GDA: variants seen among roughly 807,000 people sequenced by gnomAD.
GDA encodes the protein cytoplasmic PSD-95 interactor.
Under a neutral mutation model 59.6 loss-of-function variants are expected in GDA, and 18 were observed. The observed-to-expected ratio is 0.30, with a 90% CI of 0.21 to 0.45. The LOEUF (loss-of-function observed/expected upper bound fraction) is 0.45, where lower values mean the gene tolerates loss of function less well. Among genes scored for constraint, GDA ranks in the 20% least tolerant of loss-of-function variants. The probability of loss-of-function intolerance (pLI) is 1.00; values close to 1 mark genes in which losing one functional copy is unlikely to be tolerated. For synonymous variants in GDA, 201 were observed against 201.1 expected (o/e 1.00, Z 0.00); for missense variants, 427 against 552.3 (o/e 0.77, Z 2.27).
intron 1 of GDA, among the ~76,000 whole-genome samples, chr9:72,185,904 T>C (rs1046222308): frequency 1.1e-4 from 16 of 152,320 alleles, no homozygotes; most frequent in Admixed American, 6.5e-5. Context: ...CTTGGAGTTG[T>C]TTGCTTAGCA....
At chr9:72,130,085 A>G (rs1228333521) in intron 1 of GDA, among the ~76,000 whole-genome samples, 1 of 152,180 alleles carries the variant, frequency 6.6e-6, no homozygotes, top group African/African-American at 2.4e-5. Flanking sequence ...AGTCACTGAG[A>G]GAAAGTTAGA....
At chr9:72,187,398 A>T (rs1489864155) in intron 1 of GDA, among the ~76,000 whole-genome samples, 2 of 152,268 alleles carry the variant, frequency 1.3e-5, no homozygotes, top group South Asian at 4.1e-4. Context: ...CCTCTTTCAC[A>T]TGCTCTTGCC....
At chr9:72,254,267 C>T (rs2131906406), downstream of GDA, among the ~76,000 whole-genome samples, 1 of 152,238 alleles carries the variant, frequency 6.6e-6, no homozygotes, top group South Asian at 2.1e-4. Flanking sequence ...GACTACATTG[C>T]ATTTATCATA....
chr9:72,194,642 C>T lies in GDA; in HGVS notation c.124-858C>T, dbSNP rs190939803. ...TTTGTGTCTCAGGAGGTTGTGTTCC[C>T]CCCCTTCCCGGCCCAGTCTATTGTC... On this transcript the variant is annotated intron_variant, in intron 1 of 13. Coordinates refer to ENST00000358399, the MANE Select transcript of GDA (RefSeq NM_004293.5). Among the ~76,000 whole-genome samples, 51 of 152,286 alleles carry T rather than the reference C, an allele frequency of 3.3e-4. No homozygotes were observed. In the East Asian group the frequency reaches 8.9e-3, roughly 27 times the overall value.
At chr9:72,169,460 C>T (rs1396141260) in intron 1 of GDA, among the ~76,000 whole-genome samples, 9 of 152,150 alleles carry the variant, frequency 5.9e-5, no homozygotes, top group African/African-American at 1.9e-4. Context: ...ATATTTCTTA[C>T]TGGACTTGGA....
chr9:72,162,642 A>G (rs1306327414), intron 1 of GDA, among the ~76,000 whole-genome samples: 1 of 150,038 alleles, frequency 6.7e-6, no homozygotes, highest in Non-Finnish European at 1.5e-5. Context: ...TGTCAGAGGA[A>G]GATAGGTCAG....
In GDA at chr9:72,200,209, G is replaced by A. The variant is rs559337899; in HGVS notation, c.213-2362G>A. On this transcript the variant is annotated intron_variant, in intron 2 of 13. Coordinates refer to ENST00000358399, the MANE Select transcript of GDA (RefSeq NM_004293.5). ...GATGGGGTTTCACCGTGTTAGCCAG[G>A]ATGGTCTCGATCTCCTGACCTCGTG... 5.3e-5 allele frequency among the ~76,000 whole-genome samples: 8 copies of A among 152,078 alleles called. 1 individual carries two copies. In the South Asian group the frequency reaches 8.3e-4, roughly 16 times the overall value.
intron 1 of GDA, among the ~76,000 whole-genome samples, chr9:72,179,639 G>A (rs1316840664): frequency 6.6e-6 from 1 of 152,190 alleles, no homozygotes; most frequent in Non-Finnish European, 1.5e-5. Flanking sequence ...GTCTGTGCTG[G>A]TTTCCCAGGG....
chr9:72,147,263 A>G (rs1826674794), upstream of GDA, among the ~76,000 whole-genome samples: 1 of 152,288 alleles, frequency 6.6e-6, no homozygotes, highest in South Asian at 2.1e-4. Flanking sequence ...GCTGGAATGC[A>G]GTGGCGTGAT....
At chr9:72,124,292 C>T (rs1302957355) in intron 1 of GDA, among the ~76,000 whole-genome samples, 2 of 152,316 alleles carry the variant, frequency 1.3e-5, no homozygotes, top group Non-Finnish European at 2.9e-5. Context: ...GTTTCTGTTG[C>T]ACCACATTTT....
rs1251537910 is a variant in GDA, at chr9:72,248,464, T to G, written c.*122T>G. The G allele has an allele frequency of 2.0e-6, 3 of 1,517,754 alleles. No homozygotes were observed. The highest frequency in any genetic ancestry group is 8.8e-7 in the Non-Finnish European group (1 of 1,132,326). The allele number at this position is 1,517,754 out of a possible 1,614,324, so 94.0% of individuals were successfully genotyped here. On this transcript the variant is annotated 3_prime_UTR_variant, in exon 14 of 14. Coordinates refer to ENST00000358399, the MANE Select transcript of GDA (RefSeq NM_004293.5). ...TTCTTGGGATGACTATCCCTTTCTG[T>G]GTCTAGTTACAGTATTCACTTGACA... is the stretch of plus-strand genomic sequence containing the variant.
chr9:72,223,577 AC>A (rs1837178827), intron 7 of GDA, among the ~76,000 whole-genome samples: 1 of 152,140 alleles, frequency 6.6e-6, no homozygotes, highest in African/African-American at 2.4e-5. Context: ...CTTCTCTTTC[AC>A]TTGATACTTT....
chr9:72,197,075 A>G (rs1466692262), intron 2 of GDA, among the ~76,000 whole-genome samples: 1 of 152,210 alleles, frequency 6.6e-6, no homozygotes, highest in Non-Finnish European at 1.5e-5. Context: ...TTCACGTAAT[A>G]GAGGAACATT....
chr9:72,156,141 T>G (rs773472017), intron 1 of GDA, among the ~76,000 whole-genome samples: 1 of 152,146 alleles, frequency 6.6e-6, no homozygotes, highest in Non-Finnish European at 1.5e-5. Context: ...GATCGCAAAA[T>G]GTATGTAAAT....
In GDA at chr9:72,249,408, C is replaced by T. The variant is rs1242767890; in HGVS notation, c.*1066C>T. On this transcript the variant is annotated 3_prime_UTR_variant, in exon 14 of 14. Coordinates refer to ENST00000358399, the MANE Select transcript of GDA (RefSeq NM_004293.5). ...AGAAATATTGTTAAAAATCTTTAAA[C>T]CCTGTGTATTGAAAGCACTCTATTT... is the stretch of plus-strand genomic sequence containing the variant. The T allele has an allele frequency of 6.3e-6, 6 of 951,464 alleles. No homozygotes were observed. The East Asian group carries it at 3.5e-4, about 55-fold the overall frequency. The allele number at this position is 951,464 out of a possible 1,614,324, so 58.9% of individuals were successfully genotyped here.
chr9:72,234,749 AT>A (rs1838761729), intron 10 of GDA, among the ~76,000 whole-genome samples: 1 of 152,258 alleles, frequency 6.6e-6, no homozygotes, highest in African/African-American at 2.4e-5. Flanking sequence ...AAATATTTTA[AT>A]TACAATAAAA....
intron 1 of GDA, among the ~76,000 whole-genome samples, chr9:72,171,814 C>G (rs528200117): frequency 6.6e-6 from 1 of 152,224 alleles, no homozygotes; most frequent in African/African-American, 2.4e-5. Flanking sequence ...AGTGAAATTG[C>G]TGATGTTATT....
chr9:72,146,535 C>T (rs1826640006), upstream of GDA, among the ~76,000 whole-genome samples: 1 of 152,096 alleles, frequency 6.6e-6, no homozygotes, highest in Non-Finnish European at 1.5e-5. Flanking sequence ...CTGTTGCCCA[C>T]GCTGGAGTGC....
At chr9:72,115,904 A>C (rs1213296659) in intron 1 of GDA, among the ~76,000 whole-genome samples, 2 of 152,238 alleles carry the variant, frequency 1.3e-5, no homozygotes, top group Non-Finnish European at 1.5e-5. Flanking sequence ...CTATTTTCAT[A>C]TGCCAAGGTT....
Sources: allele counts gnomAD v4.1 joint callset (sites outside exome capture counted in the v4.1 genomes callset), GRCh38; gene constraint gnomAD v4.1.1; transcripts MANE v1.5; gene names NCBI Gene and HGNC (gene_info 2026-07-23, HGNC 2026-07-21).